Variants in MAF observed in about 807,000 individuals in gnomAD.
The protein encoded by MAF is MAF bZIP transcription factor.
A neutral mutation model predicts 22.0 loss-of-function variants in MAF; 10 were observed. That is an observed-to-expected ratio of 0.45 (90% confidence interval 0.28 to 0.77). The LOEUF is 0.77. MAF is among the 30% of genes least tolerant of loss of function. MAF has a pLI of 0.12. For synonymous variants in MAF, 337 were observed against 255.8 expected (o/e 1.32, Z -3.03); for missense variants, 544 against 548.4 (o/e 0.99, Z 0.08).
At chr16:79,296,592 C>A in the MAF span, among the ~76,000 whole-genome samples, 1 of 152,002 alleles carries the variant, frequency 6.6e-6, no homozygotes, top group East Asian at 1.9e-4. Context: ...TTCCTAGTTA[C>A]AGTATATTTA....
chr16:79,565,178 C>A, the MAF span, among the ~76,000 whole-genome samples: 5 of 152,298 alleles, frequency 3.3e-5, no homozygotes, highest in African/African-American at 1.2e-4. Flanking sequence ...CAGTTACAAT[C>A]CTCTACGTTG....
the MAF span, among the ~76,000 whole-genome samples, chr16:79,215,600 G>A: frequency 2.0e-5 from 3 of 152,266 alleles, no homozygotes; most frequent in Admixed American, 2.0e-4. Context: ...GGATCCTGCA[G>A]GGTTCACATC....
chr16:79,203,361 A>C, the MAF span: 1 of 152,208 alleles, frequency 6.6e-6, no homozygotes, highest in African/African-American at 2.4e-5. Flanking sequence ...CCCGATTTGA[A>C]ATAGCGGGGC....
chr16:79,410,539 A>T, the MAF span, among the ~76,000 whole-genome samples: 1 of 152,130 alleles, frequency 6.6e-6, no homozygotes, highest in African/African-American at 2.4e-5. Context: ...TGCGCTGGGT[A>T]CATATGTGGA....
chr16:79,250,350 G>C, the MAF span, among the ~76,000 whole-genome samples: 1 of 152,252 alleles, frequency 6.6e-6, no homozygotes, highest in Non-Finnish European at 1.5e-5. Context: ...AATCTGCAGA[G>C]AGCAAGAAGG....
At chr16:79,252,011 A>G in the MAF span, among the ~76,000 whole-genome samples, 28 of 152,396 alleles carry the variant, frequency 1.8e-4, no homozygotes, top group African/African-American at 6.7e-4. Flanking sequence ...GAGAACTAAG[A>G]ATCCTGCAAA....
the MAF span, among the ~76,000 whole-genome samples, chr16:79,422,147 C>G: frequency 1.3e-5 from 2 of 152,112 alleles, no homozygotes; most frequent in East Asian, 3.9e-4. Context: ...GAGGACAGAG[C>G]ATTCTGGAAA....
the MAF span, among the ~76,000 whole-genome samples, chr16:79,506,387 C>T: frequency 1.3e-5 from 2 of 152,110 alleles, no homozygotes; most frequent in African/African-American, 4.8e-5. Context: ...CAGAGAGTGG[C>T]TCAACCTCAG....
At chr16:79,392,118 G>T in the MAF span, among the ~76,000 whole-genome samples, 1 of 147,992 alleles carries the variant, frequency 6.8e-6, no homozygotes, top group South Asian at 2.2e-4. Context: ...AGAGAGGAAA[G>T]AGAAGAAGAG....
the MAF span, among the ~76,000 whole-genome samples, chr16:79,335,973 G>A: frequency 2.6e-5 from 4 of 152,180 alleles, no homozygotes; most frequent in South Asian, 2.1e-4. Flanking sequence ...CAGGTTGAGA[G>A]CCCAGCTTCT....
chr16:79,474,765 A>G, the MAF span, among the ~76,000 whole-genome samples: 1 of 152,070 alleles, frequency 6.6e-6, no homozygotes, highest in Non-Finnish European at 1.5e-5. Context: ...TACTTTTTGG[A>G]GGCAAGAAGG....
At chr16:79,211,122 G>C in the MAF span, among the ~76,000 whole-genome samples, 1 of 151,928 alleles carries the variant, frequency 6.6e-6, no homozygotes, top group Non-Finnish European at 1.5e-5. Context: ...AAAGCATAAA[G>C]GGATGATCTG....
chr16:79,493,344 G>A, the MAF span, among the ~76,000 whole-genome samples: 1,254 of 152,206 alleles, frequency 8.2e-3, 23 homozygotes, highest in African/African-American at 0.029. Flanking sequence ...ACCACGCCCA[G>A]CTAATTTTTG....
chr16:79,387,056 G>C, the MAF span, among the ~76,000 whole-genome samples: 1 of 152,150 alleles, frequency 6.6e-6, no homozygotes, highest in African/African-American at 2.4e-5. Context: ...ACTCAAAAAA[G>C]TCACACCATC....
the MAF span, among the ~76,000 whole-genome samples, chr16:79,323,497 A>G: frequency 6.6e-6 from 1 of 152,200 alleles, no homozygotes. Flanking sequence ...GGAAAGGAAT[A>G]AACTTCAGCT....
chr16:79,571,193 A>G, the MAF span, among the ~76,000 whole-genome samples: 1 of 152,056 alleles, frequency 6.6e-6, no homozygotes, highest in Non-Finnish European at 1.5e-5. Flanking sequence ...CATCTCATAG[A>G]TATTCAAATT....
At chr16:79,245,903 T>C in the MAF span, among the ~76,000 whole-genome samples, 1 of 152,040 alleles carries the variant, frequency 6.6e-6, no homozygotes, top group African/African-American at 2.4e-5. Flanking sequence ...TCATGTTTTC[T>C]GCAGGGACAT....
chr16:79,382,595 C>T, the MAF span, among the ~76,000 whole-genome samples: 14 of 152,306 alleles, frequency 9.2e-5, no homozygotes, highest in Admixed American at 2.6e-4. Context: ...AGACCCTGAA[C>T]GCAGCTATTG....
At chr16:79,557,351 C>G in the MAF span, among the ~76,000 whole-genome samples, 4 of 152,066 alleles carry the variant, frequency 2.6e-5, no homozygotes, top group African/African-American at 9.7e-5. Context: ...CTTCTCTTTG[C>G]CAATGATCCT....
Sources: allele counts gnomAD v4.1 joint callset (sites outside exome capture counted in the v4.1 genomes callset), GRCh38; gene constraint gnomAD v4.1.1; transcripts MANE v1.5; gene names NCBI Gene and HGNC (gene_info 2026-07-23, HGNC 2026-07-21).